Variants in ANK3 observed in about 807,000 individuals in gnomAD.
ANK3 encodes the protein ankyrin-3.
ANK3 carries 57 observed loss-of-function variants against 370.9 expected under a neutral mutation model. The observed-to-expected ratio is 0.15, with a 90% confidence interval of 0.12 to 0.19. ANK3 has a LOEUF of 0.19. Among genes scored for constraint, ANK3 ranks in the 10% least tolerant of loss-of-function variants. ANK3 has a pLI of 1.00. For missense variants in ANK3, 4,439 were observed against 5,302.1 expected, an observed-to-expected ratio of 0.84 and a Z score of 5.06; for synonymous variants, 1,929 against 1,946.3, an observed-to-expected ratio of 0.99 and a Z score of 0.23.
intron 2 of ANK3, among the ~76,000 whole-genome samples, chr10:60,480,528 A>T (rs866803602): frequency 1.3e-5 from 2 of 152,212 alleles, no homozygotes; most frequent in Admixed American, 6.5e-5. Context: ...CCAAAAAAAA[A>T]ATCAAGTCAA....
Position 60,395,630 on chromosome 10 carries a change from C to CGT in ANK3, c.97-115992_97-115991insAC, listed in dbSNP as rs1567004862. ...TTTCTCTCTTTCGTTCTCTCTCTCT[C>CGT]TCTCTCTCTCTCTCTCTCTCTTTCT... On this transcript the variant is annotated intron_variant, in intron 2 of 43. Coordinates refer to the ANK3 transcript ENST00000373827. Among the ~76,000 whole-genome samples the CGT allele has an allele frequency of 2.8e-3, 349 of 123,388 alleles. 1 individual carries two copies. The highest frequency in any genetic ancestry group is 7.3e-3 in the African/African-American group (239 of 32,630). 80.9% of individuals were successfully genotyped at this position (123,388 alleles called of 152,430 possible). A position where few individuals can be genotyped will look rare whatever the true frequency, so the allele number is the denominator to read the frequency against.
intron 7 of ANK3, among the ~76,000 whole-genome samples, chr10:60,240,306 A>ATATATATATATAT: frequency 8.3e-6 from 1 of 119,772 alleles, no homozygotes; most frequent in Non-Finnish European, 1.7e-5. Context: ...ATATATATAT[A>ATATATATATATAT]TTTTTTTTTC....
intron 1 of ANK3, chr10:60,684,593 G>A (rs1231375908): frequency 6.3e-7 from 1 of 1,589,178 alleles, no homozygotes; most frequent in East Asian, 2.3e-5. Flanking sequence ...GGTTTGGACT[G>A]TGCTGGAAAG....
intron 1 of ANK3, among the ~76,000 whole-genome samples, chr10:60,302,737 C>G (rs2044096124): frequency 6.6e-6 from 1 of 151,578 alleles, no homozygotes; most frequent in Non-Finnish European, 1.5e-5. Context: ...CAATTTTGAG[C>G]AAAAACAACA....
At chr10:60,370,887 T>C (rs2060017186) in intron 1 of ANK3, among the ~76,000 whole-genome samples, 1 of 152,100 alleles carries the variant, frequency 6.6e-6, no homozygotes, top group South Asian at 2.1e-4. Context: ...ATACTGTTAA[T>C]AGTTGAAAGT....
At chr10:60,667,657 C>T (rs2079015617) in intron 1 of ANK3, among the ~76,000 whole-genome samples, 2 of 151,488 alleles carry the variant, frequency 1.3e-5, no homozygotes, top group Admixed American at 1.3e-4. Context: ...GCTTGTCTTA[C>T]TCAAGCTGTC....
Position 60,685,094 on chromosome 10 carries a change from A to C in ANK3, c.57+48169T>G. On this transcript the variant is annotated intron_variant, in intron 1 of 43. Coordinates refer to the ANK3 transcript ENST00000373827. ...GAAAAGATGAATATCAATACCTATT[A>C]TATCTGTGTGGAGGAGGTTTTCTCT... The C allele has an allele frequency of 5.3e-6, 6 of 1,137,546 alleles. No homozygotes were observed. In the South Asian group the frequency reaches 8.0e-5, roughly 15 times the overall value. 70.5% of individuals were successfully genotyped at this position (1,137,546 alleles called of 1,614,324 possible). A position where few individuals can be genotyped will look rare whatever the true frequency, so the allele number is the denominator to read the frequency against.
Position 60,615,529 on chromosome 10 carries a change from T to C in ANK3, c.58-305A>G, listed in dbSNP as rs975857855. Among the ~76,000 whole-genome samples the C allele has an allele frequency of 8.5e-5, 13 of 152,248 alleles. 2 individuals carry two copies. Among genetic ancestry groups the C allele is most frequent in the Admixed American group, 7.2e-4 (11 of 15,292 alleles). On this transcript the variant is annotated intron_variant, in intron 1 of 43. Transcript: ENST00000373827. ...TGCCAGATACATTAAAAAAGTATGA[T>C]CTTGAACTTGAAATGAATATGCCAA... is the stretch of plus-strand genomic sequence containing the variant.
chr10:60,217,812 T>G (rs2096965558), intron 8 of ANK3, among the ~76,000 whole-genome samples: 1 of 152,222 alleles, frequency 6.6e-6, no homozygotes, highest in African/African-American at 2.4e-5. Context: ...CTATCCTTGT[T>G]AATTTTCTGT....
At chr10:60,618,737 A>G (rs966700611) in intron 1 of ANK3, among the ~76,000 whole-genome samples, 4 of 152,138 alleles carry the variant, frequency 2.6e-5, no homozygotes, top group Admixed American at 2.6e-4. Context: ...AATGCCAAGT[A>G]TAAATAAGAT....
intron 2 of ANK3, among the ~76,000 whole-genome samples, chr10:60,452,417 C>G (rs1193570500): frequency 6.6e-6 from 1 of 152,200 alleles, no homozygotes; most frequent in Non-Finnish European, 1.5e-5. Context: ...CTGCTCCCAC[C>G]TCAGCCTCCG....
At position 60,278,764 on chromosome 10, in the gene ANK3, G is replaced by A; in HGVS notation, c.414+10C>T. 1 of 1,607,878 alleles carries A rather than the reference G, an allele frequency of 6.2e-7. No individual in the cohort carries two copies. The highest frequency in any genetic ancestry group is 8.5e-7 in the Non-Finnish European group (1 of 1,174,384). On this transcript the variant is annotated intron_variant, in intron 4 of 43. Transcript: ENST00000280772. ...AACAAAATGTCTGTGGCATGGAGTT[G>A]TAGGCTTACCTGAGATTGTGCATTG...
At chr10:60,391,168 C>T (rs72806134), upstream of ANK3, among the ~76,000 whole-genome samples, 16,140 of 152,224 alleles carry the variant, frequency 0.11, 958 homozygotes, top group South Asian at 0.14. Context: ...TTCCTACTAC[C>T]AATGGACTGC....
chr10:60,368,487 G>C (rs150118888), intron 1 of ANK3, among the ~76,000 whole-genome samples: 2 of 152,214 alleles, frequency 1.3e-5, no homozygotes, highest in African/African-American at 4.8e-5. Context: ...TTTATTGATT[G>C]TTCTTACTAA....
intron 35 of ANK3, 131 bp downstream of exon 35, chr10:60,082,019 C>T: frequency 3.3e-6 from 2 of 614,422 alleles, no homozygotes; most frequent in East Asian, 2.9e-5. Flanking sequence ...AATATATACC[C>T]TTTTACCTAC....
At chr10:60,440,230 A>G (rs778134512) in intron 2 of ANK3, among the ~76,000 whole-genome samples, 17 of 152,218 alleles carry the variant, frequency 1.1e-4, no homozygotes, top group Non-Finnish European at 1.9e-4. Flanking sequence ...CAGCTGTACG[A>G]AATGATCTGG....
chr10:60,292,679 A>C (rs2041680898), intron 1 of ANK3, among the ~76,000 whole-genome samples: 1 of 151,692 alleles, frequency 6.6e-6, no homozygotes, highest in Non-Finnish European at 1.5e-5. Context: ...TGAACAAAAA[A>C]AACATAAAGC....
chr10:60,471,486 T>G (rs1027330037), intron 2 of ANK3, among the ~76,000 whole-genome samples: 2 of 152,296 alleles, frequency 1.3e-5, no homozygotes, highest in East Asian at 3.9e-4. Flanking sequence ...GGTATTCAGT[T>G]GCATGGATGT....
At chr10:60,663,308 G>A (rs1404046420) in intron 1 of ANK3, among the ~76,000 whole-genome samples, 1 of 152,202 alleles carries the variant, frequency 6.6e-6, no homozygotes. Flanking sequence ...AGATTCCACT[G>A]AGAAGGCTCC....
Sources: gnomAD v4.1 joint callset for allele counts (sites outside exome capture counted in the v4.1 genomes callset) on GRCh38, gnomAD v4.1.1 for gene constraint, MANE v1.5 for transcripts, NCBI Gene and HGNC (gene_info 2026-07-23, HGNC 2026-07-21) for gene names.